Variants in TP53I13 observed in about 807,000 individuals in gnomAD.
The protein encoded by TP53I13 is tumor protein p53 inducible protein 13.
A neutral mutation model predicts 39.1 loss-of-function variants in TP53I13; 27 were observed. The observed-to-expected ratio is 0.69, with a 90% CI of 0.51 to 0.95. The LOEUF (loss-of-function observed/expected upper bound fraction) is 0.95, where lower values mean the gene tolerates loss of function less well. Ranked by LOEUF, TP53I13 falls within the 40% of genes least tolerant of loss-of-function variation. The probability of loss-of-function intolerance (pLI) is 0.00; values close to 1 mark genes in which losing one functional copy is unlikely to be tolerated. For missense variants in TP53I13, 544 were observed against 520.4 expected (o/e 1.05, Z -0.44); for synonymous variants, 230 against 224.6 (o/e 1.02, Z -0.22).
In TP53I13 at chr17:29,572,917, C is replaced by T; in HGVS notation, c.1175C>T (p.Ser392Leu). 1 of 1,494,832 alleles carries T rather than the reference C, an allele frequency of 6.7e-7. No individual in the cohort carries two copies. Among genetic ancestry groups the T allele is most frequent in the Non-Finnish European group, 8.9e-7 (1 of 1,128,582 alleles). The allele number at this position is 1,494,832 out of a possible 1,614,324, so 92.6% of individuals were successfully genotyped here. ...TPDSGPEGES[S>L]E ...GACAGCGGCCCGGAAGGCGAGAGCTCGGAGTGACGGCCTGGGACCTGCCAC... is the reference window on the plus strand; with the variant it reads ...GACAGCGGCCCGGAAGGCGAGAGCTTGGAGTGACGGCCTGGGACCTGCCAC... The change falls in exon 7 of 7, where the codon TCG (serine) becomes TTG (leucine). Residue 392 changes from serine to leucine, a missense_variant. Physicochemically the swap from Ser to Leu is moderately radical, Grantham distance 145. Transcript: ENST00000301057.
At chr17:29,574,620 G>C (rs774733467), downstream of TP53I13, 1 of 1,152,640 alleles carries the variant, frequency 8.7e-7, no homozygotes, top group South Asian at 1.3e-5. Context: ...GGCTCTGTTG[G>C]GGTGGGGATT....
chr17:29,569,575 C>CA (rs1437451578), intron 3 of TP53I13: 4 of 481,148 alleles, frequency 8.3e-6, no homozygotes, highest in African/African-American at 5.8e-5. Context: ...CTGTCATCTG[C>CA]AATGCTGTGT....
the TP53I13 span, chr17:29,581,269 A>C: frequency 2.6e-6 from 3 of 1,157,234 alleles, no homozygotes; most frequent in African/African-American, 1.5e-5. The surrounding 1 kb of genome is among the most constrained non-coding windows in gnomAD (Gnocchi z 4.8). Flanking sequence ...CTGGGCTGGG[A>C]GCTCTGGGGG....
In TP53I13 at chr17:29,572,530, G is replaced by T; in HGVS notation, c.902G>T (p.Arg301Leu). Residue 301 changes from arginine to leucine, a missense_variant, in exon 6 of 7, where the codon CGG (arginine) becomes CTG (leucine). By Grantham distance (102) the Arg-to-Leu change is moderately radical. Coordinates refer to ENST00000301057, the MANE Select transcript of TP53I13 (RefSeq NM_138349.4). ...PRAAAPPRAA[R>L]GPTPRTEEAA... ...GCAGCAGCGCCTCCACGGGCAGCCC[G>T]GGGCCCCACCCCACGCACTGAAGAG... is the stretch of plus-strand genomic sequence containing the variant. The T allele has an allele frequency of 6.2e-7, 1 of 1,606,524 alleles. No homozygotes were observed. The highest frequency in any genetic ancestry group is 8.5e-7 in the Non-Finnish European group (1 of 1,177,394).
chr17:29,581,442 C>A, the TP53I13 span: 1 of 1,283,910 alleles, frequency 7.8e-7, no homozygotes, highest in Admixed American at 1.7e-5. This position sits in a 1 kb window ranked among gnomAD's most constrained non-coding sequence, Gnocchi z 4.8. Flanking sequence ...CAGCTGGGAG[C>A]CCACCTCACT....
downstream of TP53I13, chr17:29,577,350 C>T (rs1036664956): frequency 1.6e-5 from 15 of 924,452 alleles, no homozygotes; most frequent in Non-Finnish European, 2.1e-5. Flanking sequence ...TTTAATTTAA[C>T]CCCAGCTAAA....
rs759922680 is a variant in TP53I13 at position 29,569,066 on chromosome 17, C to G, written c.121C>G (p.Leu41Val). 4 of 1,601,118 alleles carry G rather than the reference C, an allele frequency of 2.5e-6. No individual in the cohort carries two copies. The highest frequency in any genetic ancestry group is 3.4e-6 in the Non-Finnish European group (4 of 1,174,658). Residue 41 changes from leucine to valine, a missense_variant, in exon 2 of 7, where the codon CTG becomes GTG. Leu to Val is a conservative substitution (Grantham distance 32, BLOSUM62 1). Transcript: ENST00000301057. The stretch of plus-strand genomic sequence containing the variant: ...GGCGGGAGCCCATTGTCCCGAGAGC[C>G]TGTGGCCTCTGCCTCCGCAGGTAGG... ...EEAGAHCPESLWPLPPQVSPR... is the reference protein window; with the variant it reads ...EEAGAHCPESVWPLPPQVSPR...
At chr17:29,578,344 C>T in the TP53I13 span, 13 of 1,614,028 alleles carry the variant, frequency 8.1e-6, no homozygotes, top group East Asian at 2.2e-5. Context: ...ACGTCCATGG[C>T]GAGTTCCTCA....
At chr17:29,574,035 C>CG (rs1365288441), downstream of TP53I13, 2 of 152,352 alleles carry the variant, frequency 1.3e-5, no homozygotes, top group African/African-American at 4.8e-5. Flanking sequence ...ACCAGGCCTC[C>CG]GGAACGGCAC....
At chr17:29,578,248 G>A in the TP53I13 span, 1 of 1,448,444 alleles carries the variant, frequency 6.9e-7, no homozygotes, top group South Asian at 1.1e-5. Context: ...AGAGACCCAT[G>A]CCTGGGCCGC....
downstream of TP53I13, chr17:29,576,870 C>T (rs1379468390): frequency 4.4e-6 from 7 of 1,575,048 alleles, no homozygotes; most frequent in African/African-American, 1.3e-5. Context: ...GACCCGGGCC[C>T]GGTTGCTCCG....
the TP53I13 span, chr17:29,579,033 G>A: frequency 5.0e-6 from 8 of 1,595,278 alleles, no homozygotes; most frequent in South Asian, 2.2e-5. Context: ...GGACAGAGGC[G>A]GCAGTTACCC....
chr17:29,566,611 C>T (rs769296979), upstream of TP53I13: 2 of 1,608,988 alleles, frequency 1.2e-6, no homozygotes, highest in Admixed American at 1.7e-5. Flanking sequence ...CAGCTCAGGC[C>T]CAGGCGCTAC....
At chr17:29,575,211 G>A (rs1305199335), downstream of TP53I13, 1 of 1,553,358 alleles carries the variant, frequency 6.4e-7, no homozygotes, top group Non-Finnish European at 8.8e-7. The surrounding 1 kb of genome is among the most constrained non-coding windows in gnomAD (Gnocchi z 5.5). Context: ...GCAGAACCCA[G>A]GGCCCCTCAT....
At chr17:29,576,150 C>T (rs751934503), downstream of TP53I13, 33 of 1,613,218 alleles carry the variant, frequency 2.0e-5, no homozygotes, top group East Asian at 1.3e-4. Context: ...GTTAGCACAG[C>T]GAGCGTCATG....
chr17:29,566,366 G>A (rs1212985992), upstream of TP53I13: 3 of 1,610,810 alleles, frequency 1.9e-6, no homozygotes, highest in South Asian at 1.1e-5. Flanking sequence ...GGGCTGACCA[G>A]TGGGCAACCG....
intron 3 of TP53I13, chr17:29,569,613 T>C (rs1235299411): frequency 2.5e-6 from 1 of 401,470 alleles, no homozygotes; most frequent in East Asian, 3.8e-5. Flanking sequence ...GCTGGCTCTG[T>C]GGACAAGTGG....
At chr17:29,575,249 AG>A, downstream of TP53I13, 1 of 1,585,516 alleles carries the variant, frequency 6.3e-7, no homozygotes, top group Non-Finnish European at 8.6e-7. The surrounding 1 kb of genome is among the most constrained non-coding windows in gnomAD (Gnocchi z 5.5). Context: ...AGAAGCCAAC[AG>A]GAACTGCATC....
At chr17:29,577,332 C>T, downstream of TP53I13, 1 of 1,036,000 alleles carries the variant, frequency 9.7e-7, no homozygotes, top group Non-Finnish European at 1.5e-6. Context: ...CAAGGCATGG[C>T]TCTGCCATTT....
Sources: allele counts gnomAD v4.1 joint callset, GRCh38; gene constraint gnomAD v4.1.1; non-coding constraint Gnocchi (gnomAD v3.1); transcripts MANE v1.5; gene names NCBI Gene and HGNC (gene_info 2026-07-23, HGNC 2026-07-21).